RBM26: variants seen among roughly 807,000 people sequenced by gnomAD.
RBM26 encodes RNA binding motif protein 26, also known as RNA-binding protein 26.
RBM26 carries 30 observed loss-of-function variants against 123.6 expected under a neutral mutation model. The ratio of observed to expected loss-of-function variants is 0.24; its 90% CI spans 0.18 to 0.33. RBM26 has a LOEUF of 0.33. Among genes scored for constraint, RBM26 ranks in the 10% least tolerant of loss-of-function variants. RBM26 has a pLI of 1.00. For synonymous variants in RBM26, 400 were observed against 404.4 expected, an observed-to-expected ratio of 0.99 and a Z score of 0.13; for missense variants, 947 against 1,203.6, an observed-to-expected ratio of 0.79 and a Z score of 3.15.
At position 79,366,766 on chromosome 13, in the gene RBM26, C is replaced by A. The variant is rs142887844; in HGVS notation, c.1002G>T (p.Gln334His). Residue 334 changes from glutamine (Q) to histidine (H), a missense_variant, in exon 7 of 22, where the codon CAG becomes CAT. Coordinates refer to ENST00000438737, the MANE Select transcript of RBM26 (RefSeq NM_001366735.2). ...NLPGMLPFPA[Q>H]PPVVEGPPPP... ...GAGGTGGTCCTTCAACAACAGGAGG[C>A]TGTGCTGGGAAAGGCAGCATACCAG... 49 of 1,613,866 alleles carry A rather than the reference C, an allele frequency of 3.0e-5. No homozygotes were observed. Among genetic ancestry groups the A allele is most frequent in the Non-Finnish European group, 4.1e-5 (48 of 1,179,922 alleles).
In RBM26 at chr13:79,353,134, AT is replaced by A. The variant is rs1383305691; in HGVS notation, c.2058+18del. 8 of 1,517,012 alleles carry A rather than the reference AT, an allele frequency of 5.3e-6. No homozygotes were observed. The African/African-American group carries it at 1.1e-4, about 21-fold the overall frequency. 94.0% of individuals were successfully genotyped at this position (1,517,012 alleles called of 1,614,324 possible). ...ACATTTATGAAGCCAAGACAAACAC[AT>A]CATGCTATTCTTCTTACCTTTTCAG... is the stretch of plus-strand genomic sequence containing the variant. On this transcript the variant is annotated intron_variant, in intron 14 of 21. Coordinates refer to ENST00000438737, the MANE Select transcript of RBM26 (RefSeq NM_001366735.2).
At chr13:79,366,960 A>G (rs2075320968) in intron 6 of RBM26, 88 bp from the exon 7 acceptor site, 3 of 1,148,378 alleles carry the variant, frequency 2.6e-6, no homozygotes, top group South Asian at 3.7e-5. Flanking sequence ...ATATTTAAAA[A>G]TATGAATATT....
intron 1 of RBM26, among the ~76,000 whole-genome samples, chr13:79,401,169 G>C (rs2079029774): frequency 6.6e-6 from 1 of 152,034 alleles, no homozygotes; most frequent in Non-Finnish European, 1.5e-5. Context: ...TATCAGACAC[G>C]AACAAAAATA....
At chr13:79,385,843 G>A (rs2077435239) in intron 1 of RBM26, among the ~76,000 whole-genome samples, 1 of 152,006 alleles carries the variant, frequency 6.6e-6, no homozygotes, top group African/African-American at 2.4e-5. Context: ...TCTCTATTCT[G>A]CATTTTTCAC....
At chr13:79,326,925 A>G (rs1490646532) in intron 20 of RBM26, among the ~76,000 whole-genome samples, 1 of 152,078 alleles carries the variant, frequency 6.6e-6, no homozygotes, top group East Asian at 1.9e-4. Context: ...GAGAATGATT[A>G]GAAGCAGTGC....
intron 14 of RBM26, among the ~76,000 whole-genome samples, chr13:79,347,991 G>A (rs996049694): frequency 6.6e-6 from 1 of 151,864 alleles, no homozygotes; most frequent in African/African-American, 2.4e-5. Context: ...ATGTAACTAA[G>A]TAACAGAACA....
chr13:79,365,739 A>G, intron 8 of RBM26, 21 bp from the exon 9 acceptor site: 1 of 1,599,704 alleles, frequency 6.3e-7, no homozygotes, highest in Non-Finnish European at 8.5e-7. Context: ...AAAAACTGTA[A>G]TTAAAAAACA....
At chr13:79,395,576 C>CA (rs56278564) in intron 1 of RBM26, among the ~76,000 whole-genome samples, 14 of 149,518 alleles carry the variant, frequency 9.4e-5, no homozygotes, top group South Asian at 2.1e-4. Flanking sequence ...CCCATCTCTA[C>CA]AAAAAAAAAT....
chr13:79,392,003 A>AT (rs2078046894), intron 1 of RBM26, among the ~76,000 whole-genome samples: 5 of 36,480 alleles, frequency 1.4e-4, no homozygotes, highest in African/African-American at 7.2e-4. Flanking sequence ...ATTATTATAT[A>AT]ATTATATATT....
chr13:79,324,667 C>T (rs545931774), intron 20 of RBM26, among the ~76,000 whole-genome samples: 4 of 151,438 alleles, frequency 2.6e-5, no homozygotes, highest in Middle Eastern at 3.4e-3. Flanking sequence ...TTATGAATAT[C>T]GTGCCATACC....
chr13:79,358,901 G>C (rs1007670959), intron 10 of RBM26, among the ~76,000 whole-genome samples: 1 of 151,986 alleles, frequency 6.6e-6, no homozygotes, highest in African/African-American at 2.4e-5. Flanking sequence ...AGAATTGTTG[G>C]AACTATAAAG....
intron 6 of RBM26, among the ~76,000 whole-genome samples, chr13:79,368,224 T>A (rs2075536972): frequency 6.6e-6 from 1 of 152,016 alleles, no homozygotes; most frequent in African/African-American, 2.4e-5. Flanking sequence ...CGGGGTTGCA[T>A]ACCATGTTAG....
intron 20 of RBM26, 49 bp from the exon 21 acceptor site, chr13:79,322,511 G>A: frequency 1.6e-6 from 2 of 1,282,900 alleles, no homozygotes; most frequent in South Asian, 1.5e-5. Flanking sequence ...AATTTCTGAA[G>A]AAAAAAATAA....
intron 1 of RBM26, among the ~76,000 whole-genome samples, chr13:79,392,019 T>C (rs57348806): frequency 1.0e-5 from 1 of 97,116 alleles, no homozygotes; most frequent in Non-Finnish European, 1.9e-5. Context: ...ATATTATACA[T>C]TATTATATAA....
chr13:79,379,535 C>T (rs759592256), intron 1 of RBM26, among the ~76,000 whole-genome samples: 1 of 135,026 alleles, frequency 7.4e-6, no homozygotes, highest in Non-Finnish European at 1.6e-5. Context: ...AAAGTAAGAA[C>T]CCTATCTCAA....
intron 20 of RBM26, among the ~76,000 whole-genome samples, chr13:79,332,441 T>C (rs959116774): frequency 6.6e-6 from 1 of 152,160 alleles, no homozygotes; most frequent in Non-Finnish European, 1.5e-5. Context: ...TCTATATGTA[T>C]CCTGCTTGTA....
rs758462497 is a variant in RBM26, at chr13:79,334,439, T to TA, written c.2734-10dup. 2.8e-4 allele frequency: 400 copies of TA among 1,442,086 alleles called. No individual in the cohort carries two copies. The highest frequency in any genetic ancestry group is 3.7e-4 in the Middle Eastern group (2 of 5,338). The allele number at this position is 1,442,086 out of a possible 1,614,324, so 89.3% of individuals were successfully genotyped here. ...TCAATTTCACCATATTGCTTTAAATTAAAAAAAAAGTATTTCCTCCAAATA... is the reference window on the plus strand; with the variant it reads ...TCAATTTCACCATATTGCTTTAAATTAAAAAAAAAAGTATTTCCTCCAAATA... On this transcript the variant is annotated splice_polypyrimidine_tract_variant and intron_variant, in intron 19 of 21. Transcript: ENST00000438737.
chr13:79,400,888 G>C (rs1366513927), intron 1 of RBM26, among the ~76,000 whole-genome samples: 1 of 152,120 alleles, frequency 6.6e-6, no homozygotes, highest in Non-Finnish European at 1.5e-5. Flanking sequence ...GAAGTAAATG[G>C]CTGAGGGCAA....
intron 1 of RBM26, among the ~76,000 whole-genome samples, chr13:79,392,074 A>G (rs1052384563): frequency 5.8e-5 from 8 of 137,160 alleles, no homozygotes; most frequent in Admixed American, 1.5e-4. Context: ...GTATTATACA[A>G]TAATACATAA....
Sources: allele counts gnomAD v4.1 joint callset (sites outside exome capture counted in the v4.1 genomes callset), GRCh38; gene constraint gnomAD v4.1.1; transcripts MANE v1.5; gene names NCBI Gene and HGNC (gene_info 2026-07-23, HGNC 2026-07-21).